Variants in TFAP2D observed in about 807,000 individuals in gnomAD.
TFAP2D encodes transcription factor AP-2-delta.
Under a neutral mutation model 43.6 loss-of-function variants are expected in TFAP2D, and 9 were observed. That is an observed-to-expected ratio of 0.21 (90% CI 0.12 to 0.36). The LOEUF (loss-of-function observed/expected upper bound fraction) is 0.36. TFAP2D is among the 10% of genes least tolerant of loss of function. The pLI is 1.00. For synonymous variants in TFAP2D, 256 were observed against 224.9 expected (o/e 1.14, Z -1.24); for missense variants, 513 against 561.4 (o/e 0.91, Z 0.87).
intron 2 of TFAP2D, chr6:50,717,955 T>G (rs960718722): frequency 1.3e-5 from 2 of 152,156 alleles, no homozygotes; most frequent in African/African-American, 4.8e-5. Flanking sequence ...GAATTTTAAG[T>G]GAAAGTCCAA....
intron 7 of TFAP2D, among the ~76,000 whole-genome samples, chr6:50,753,533 G>T (rs1769226221): frequency 6.6e-6 from 1 of 151,780 alleles, no homozygotes; most frequent in South Asian, 2.1e-4. Flanking sequence ...TCCCCATACA[G>T]AATATGGGAA....
At chr6:50,769,318 A>G (rs1769491303) in intron 7 of TFAP2D, among the ~76,000 whole-genome samples, 1 of 152,200 alleles carries the variant, frequency 6.6e-6, no homozygotes, top group African/African-American at 2.4e-5. Context: ...TTCTTGTTAG[A>G]CTACTGTCAT....
rs1665933536 is a variant in TFAP2D, at chr6:50,750,060, A to C, written c.1026-1151A>C. 2.0e-5 allele frequency among the ~76,000 whole-genome samples: 3 copies of C among 151,916 alleles called. No individual in the cohort carries two copies. In the South Asian group the frequency reaches 6.2e-4, roughly 31 times the overall value. ...AAGTGATCTTTGATGGAATTCAATA[A>C]ATTTTAGATACCTGATTAAGAAGTC... On this transcript the variant is annotated intron_variant, in intron 6 of 7. Coordinates refer to ENST00000008391, the MANE Select transcript of TFAP2D (RefSeq NM_172238.4).
chr6:50,724,090 G>C lies in TFAP2D; in HGVS notation c.599-4766G>C, dbSNP rs1768770581. Among the ~76,000 whole-genome samples, 4 of 151,942 alleles carry C rather than the reference G, an allele frequency of 2.6e-5. No individual in the cohort carries two copies. The South Asian group carries it at 8.4e-4, about 32-fold the overall frequency. On this transcript the variant is annotated intron_variant, in intron 3 of 7. Transcript: ENST00000008391. ...TGTTTGATTACAATTAATATCTGCT[G>C]CCGTGGGGGGAGAGGTAACATGGGG... is the stretch of plus-strand genomic sequence containing the variant.
In TFAP2D at chr6:50,715,409, C is replaced by T. The variant is rs745672168; in HGVS notation, c.333C>T (p.Thr111=). ...AGCAGATCCACCACGGGGAGCCCAC[C>T]GACTTTATTAACCTGCACAATGCGC... ...YYQQIHHGEP[T]DFINLHNARA... The change falls in exon 2 of 8, where the codon ACC becomes ACT. Residue 111 remains threonine (T), a synonymous_variant. Transcript: ENST00000008391. 1.2e-6 allele frequency: 2 copies of T among 1,614,182 alleles called. No individual in the cohort carries two copies. Among genetic ancestry groups the T allele is most frequent in the African/African-American group, 1.3e-5 (1 of 75,046 alleles).
intron 5 of TFAP2D, among the ~76,000 whole-genome samples, chr6:50,734,286 T>C (rs1286956069): frequency 6.6e-6 from 1 of 151,990 alleles, no homozygotes; most frequent in Non-Finnish European, 1.5e-5. Flanking sequence ...CAGAATAATA[T>C]CATTTTTGAA....
chr6:50,726,014 T>C (rs926367390), intron 3 of TFAP2D, among the ~76,000 whole-genome samples: 1 of 152,210 alleles, frequency 6.6e-6, no homozygotes, highest in Non-Finnish European at 1.5e-5. Flanking sequence ...TTCAGGCAAT[T>C]TGTGTGTGCA....
intron 3 of TFAP2D, among the ~76,000 whole-genome samples, chr6:50,720,966 G>C (rs1382704364): frequency 2.0e-5 from 3 of 152,194 alleles, no homozygotes; most frequent in Non-Finnish European, 4.4e-5. Flanking sequence ...ATTACTTGAG[G>C]CCGAGGAGGG....
chr6:50,739,352 C>T (rs1398988787), intron 5 of TFAP2D, among the ~76,000 whole-genome samples: 3 of 152,070 alleles, frequency 2.0e-5, no homozygotes, highest in Admixed American at 6.6e-5. Flanking sequence ...ATAGTTTGCT[C>T]AGAATGATGG....
intron 6 of TFAP2D, among the ~76,000 whole-genome samples, chr6:50,747,058 G>A (rs963622525): frequency 2.2e-4 from 34 of 152,136 alleles, no homozygotes; most frequent in South Asian, 4.1e-4. Context: ...AATAAATTTT[G>A]TGAAGTGGAA....
At chr6:50,735,563 T>C (rs1768950776) in intron 5 of TFAP2D, among the ~76,000 whole-genome samples, 1 of 152,200 alleles carries the variant, frequency 6.6e-6, no homozygotes, top group Non-Finnish European at 1.5e-5. Flanking sequence ...GTTTAATCTC[T>C]TCTGGAATAA....
intron 1 of TFAP2D, among the ~76,000 whole-genome samples, 185 bp downstream of exon 1, chr6:50,714,279 C>A (rs889232811): frequency 6.6e-6 from 1 of 151,920 alleles, no homozygotes; most frequent in African/African-American, 2.4e-5. Context: ...TTCGTTATGA[C>A]ATCTGTCGCC....
At chr6:50,729,964 T>C (rs1459605618) in intron 5 of TFAP2D, among the ~76,000 whole-genome samples, 1 of 152,204 alleles carries the variant, frequency 6.6e-6, no homozygotes, top group Admixed American at 6.5e-5. Flanking sequence ...TACATATTCT[T>C]ATTCAGTCTT....
Position 50,772,895 on chromosome 6 carries a change from T to G in TFAP2D, c.*31T>G. The stretch of plus-strand genomic sequence containing the variant: ...TCAAACAGAATCTATTTCCAGAGAG[T>G]CTTGCTGCTGATATTTTTTCTAATA... On this transcript the variant is annotated 3_prime_UTR_variant, in exon 8 of 8. Transcript: ENST00000008391. 6.4e-7 allele frequency: 1 copy of G among 1,572,046 alleles called. No individual in the cohort carries two copies. Among genetic ancestry groups the G allele is most frequent in the Non-Finnish European group, 8.6e-7 (1 of 1,156,420 alleles).
At chr6:50,760,578 T>G (rs1434720404) in intron 7 of TFAP2D, among the ~76,000 whole-genome samples, 2 of 152,050 alleles carry the variant, frequency 1.3e-5, no homozygotes, top group Non-Finnish European at 2.9e-5. Context: ...AACTAGATAC[T>G]TTAATTGTGT....
In TFAP2D at chr6:50,729,239, T is replaced by C. The variant is rs1033493451; in HGVS notation, c.810T>C (p.Asp270=). 9.9e-6 allele frequency: 16 copies of C among 1,613,858 alleles called. No homozygotes were observed. The African/African-American group carries it at 2.0e-4, about 20-fold the overall frequency. Residue 270 remains aspartate, a synonymous_variant, in exon 5 of 8, where the codon GAT becomes GAC. Transcript: ENST00000008391. ...NGGRCLREKL[D]RLGLNLPAGR... is the part of the protein sequence containing the mutation. ...GCCGCTGCCTGAGAGAGAAATTGGATAGGCTTGGCTTAAACTTACCAGCAG... is the reference window on the plus strand; with the variant it reads ...GCCGCTGCCTGAGAGAGAAATTGGACAGGCTTGGCTTAAACTTACCAGCAG...
intron 5 of TFAP2D, among the ~76,000 whole-genome samples, chr6:50,733,418 G>A (rs532383472): frequency 6.6e-6 from 1 of 152,096 alleles, no homozygotes; most frequent in South Asian, 2.1e-4. Context: ...ATATCAGAAA[G>A]ATGTCAGTCT....
intron 7 of TFAP2D, among the ~76,000 whole-genome samples, chr6:50,754,413 G>A (rs999902156): frequency 1.3e-5 from 2 of 151,660 alleles, no homozygotes; most frequent in Non-Finnish European, 2.9e-5. Context: ...TTCATTGATG[G>A]CAATTGGGTT....
intron 1 of TFAP2D, 86 bp from the exon 2 acceptor site, chr6:50,715,030 T>C: frequency 6.6e-7 from 1 of 1,525,270 alleles, no homozygotes; most frequent in South Asian, 1.3e-5. Context: ...CAGAGAAAGC[T>C]CCTGGCTCCG....
Sources: gnomAD v4.1 joint callset for allele counts (sites outside exome capture counted in the v4.1 genomes callset) on GRCh38, gnomAD v4.1.1 for gene constraint, MANE v1.5 for transcripts, NCBI Gene and HGNC (gene_info 2026-07-23, HGNC 2026-07-21) for gene names.